Variants in ST6GALNAC3 observed in about 807,000 individuals in gnomAD.
ST6GALNAC3 encodes the protein ST6 N-acetylgalactosaminide alpha-2,6-sialyltransferase 3, also known as alpha-N-acetylgalactosaminide alpha-2,6-sialyltransferase 3.
A neutral mutation model predicts 32.7 loss-of-function variants in ST6GALNAC3; 25 were observed. That is an observed-to-expected ratio of 0.76 (90% confidence interval 0.56 to 1.07). The LOEUF is 1.07. ST6GALNAC3 is among the 50% of genes least tolerant of loss of function. ST6GALNAC3 has a pLI of 0.00. For synonymous variants in ST6GALNAC3, 129 were observed against 133.1 expected (o/e 0.97, Z 0.21); for missense variants, 355 against 382.4 (o/e 0.93, Z 0.60).
chr1:76,527,083 A>G (rs1031667377), intron 3 of ST6GALNAC3, among the ~76,000 whole-genome samples: 1 of 152,096 alleles, frequency 6.6e-6, no homozygotes, highest in African/African-American at 2.4e-5. Context: ...ATTGAACTCT[A>G]TGATTTGTAG....
At chr1:76,615,032 T>C (rs1376001620) in intron 3 of ST6GALNAC3, among the ~76,000 whole-genome samples, 1 of 152,152 alleles carries the variant, frequency 6.6e-6, no homozygotes, top group East Asian at 1.9e-4. Context: ...AGGAGATTTT[T>C]GTCTTTTGAC....
At chr1:76,604,284 T>C (rs1326165693) in intron 3 of ST6GALNAC3, among the ~76,000 whole-genome samples, 1 of 152,176 alleles carries the variant, frequency 6.6e-6, no homozygotes, top group South Asian at 2.1e-4. Flanking sequence ...TGTAATCAAA[T>C]GTGTTCAGGA....
chr1:76,478,963 C>A (rs1469097646), intron 3 of ST6GALNAC3, among the ~76,000 whole-genome samples: 2 of 151,874 alleles, frequency 1.3e-5, no homozygotes, highest in Admixed American at 1.3e-4. Context: ...CGGGGTTTCA[C>A]TGTGTTAGAC....
chr1:76,614,833 G>A (rs1369821747), intron 3 of ST6GALNAC3, among the ~76,000 whole-genome samples: 3 of 151,512 alleles, frequency 2.0e-5, no homozygotes, highest in Admixed American at 6.6e-5. Context: ...GGTGGAAAAT[G>A]GACCTTAGGA....
intron 1 of ST6GALNAC3, among the ~76,000 whole-genome samples, chr1:76,113,998 T>G (rs1278193524): frequency 6.7e-6 from 1 of 150,094 alleles, no homozygotes; most frequent in Non-Finnish European, 1.5e-5. Flanking sequence ...CTAATTTTTT[T>G]TTTTTTTTTT....
intron 1 of ST6GALNAC3, among the ~76,000 whole-genome samples, chr1:76,120,303 C>T (rs191732178): frequency 6.6e-6 from 1 of 152,080 alleles, no homozygotes; most frequent in Non-Finnish European, 1.5e-5. Flanking sequence ...CTCGTGTTTC[C>T]TTGAGAATTG....
At position 76,419,818 on chromosome 1, in the gene ST6GALNAC3, C is replaced by T. The variant is rs1452668590; in HGVS notation, c.623+7401C>T. Among the ~76,000 whole-genome samples, 5 of 151,960 alleles carry T rather than the reference C, an allele frequency of 3.3e-5. No individual in the cohort carries two copies. In the South Asian group the frequency reaches 6.2e-4, roughly 19 times the overall value. The stretch of plus-strand genomic sequence containing the variant: ...TTATAAGAGCTCTACAGATGTTTGC[C>T]GAATTGAATTTTTGCTTCTCTGTAA... On this transcript the variant is annotated intron_variant, in intron 3 of 4. Transcript: ENST00000328299.
chr1:76,101,900 A>G (rs1370993704), intron 1 of ST6GALNAC3, among the ~76,000 whole-genome samples: 1 of 152,172 alleles, frequency 6.6e-6, no homozygotes, highest in East Asian at 1.9e-4. Flanking sequence ...ATTTCATAAC[A>G]TCTGGCATAT....
At chr1:76,275,175 A>C (rs1261855231) in intron 1 of ST6GALNAC3, among the ~76,000 whole-genome samples, 1 of 152,210 alleles carries the variant, frequency 6.6e-6, no homozygotes, top group Non-Finnish European at 1.5e-5. Context: ...TTAATATGCT[A>C]AGGTGCAATA....
intron 1 of ST6GALNAC3, among the ~76,000 whole-genome samples, chr1:76,116,082 A>G (rs774569799): frequency 1.3e-5 from 2 of 152,156 alleles, no homozygotes; most frequent in African/African-American, 2.4e-5. Context: ...GGTCAGTGCT[A>G]TGGTGTGGAC....
intron 2 of ST6GALNAC3, among the ~76,000 whole-genome samples, chr1:76,326,775 T>A (rs902206017): frequency 6.6e-6 from 1 of 151,376 alleles, no homozygotes; most frequent in Admixed American, 6.6e-5. Flanking sequence ...TATGTTTTCC[T>A]GCATTTGGTT....
chr1:76,215,289 T>C (rs964440667), intron 1 of ST6GALNAC3, among the ~76,000 whole-genome samples: 1 of 152,218 alleles, frequency 6.6e-6, no homozygotes, highest in Admixed American at 6.5e-5. Flanking sequence ...TTTAACCTCA[T>C]TGTGCAACAG....
intron 3 of ST6GALNAC3, among the ~76,000 whole-genome samples, chr1:76,619,022 T>C (rs1230124462): frequency 6.6e-6 from 1 of 152,078 alleles, no homozygotes; most frequent in Non-Finnish European, 1.5e-5. Context: ...ATAGGCCATC[T>C]GTAGTAGCTC....
At chr1:76,544,857 T>C (rs1275726940) in intron 3 of ST6GALNAC3, among the ~76,000 whole-genome samples, 3 of 152,236 alleles carry the variant, frequency 2.0e-5, no homozygotes, top group African/African-American at 7.2e-5. Flanking sequence ...TGAGGCCTGA[T>C]ACAGAAGGAG....
At chr1:76,305,821 A>G (rs1056346843) in intron 1 of ST6GALNAC3, 30 of 477,654 alleles carry the variant, frequency 6.3e-5, no homozygotes, top group South Asian at 4.6e-4. Flanking sequence ...TTTTCCAGAC[A>G]AAGAAATAGA....
chr1:76,454,524 C>A (rs944903079), intron 3 of ST6GALNAC3, among the ~76,000 whole-genome samples: 2 of 152,082 alleles, frequency 1.3e-5, no homozygotes, highest in Non-Finnish European at 2.9e-5. Flanking sequence ...AAGACTATAT[C>A]TTTCCTTCAT....
chr1:76,323,875 T>G (rs1647017521), intron 2 of ST6GALNAC3, among the ~76,000 whole-genome samples: 1 of 152,212 alleles, frequency 6.6e-6, no homozygotes, highest in African/African-American at 2.4e-5. Flanking sequence ...ATTTTTTTTT[T>G]TTGAGATGGA....
rs748548221 is a variant in ST6GALNAC3, at chr1:76,628,629, G to T, written c.741G>T (p.Gly247=). 6.2e-7 allele frequency: 1 copy of T among 1,605,542 alleles called. No individual in the cohort carries two copies. The highest frequency in any genetic ancestry group is 8.5e-7 in the Non-Finnish European group (1 of 1,177,536). ...MINDTYCKTE[G]YRKVPYHYYE... is the part of the protein sequence containing the mutation. ...TTTTTTTCTTTTCTAGGACAGAAGG[G>T]TATAGAAAAGTCCCCTACCATTATT... is the stretch of plus-strand genomic sequence containing the variant. The change falls in exon 5 of 5, where the codon GGG becomes GGT. Residue 247 remains glycine, a synonymous_variant. Transcript: ENST00000328299.
intron 2 of ST6GALNAC3, among the ~76,000 whole-genome samples, chr1:76,369,481 A>C (rs1040825553): frequency 1.3e-5 from 2 of 152,146 alleles, no homozygotes; most frequent in African/African-American, 4.8e-5. Flanking sequence ...CATTATCTTT[A>C]TTTCACCAAG....
Sources: gnomAD v4.1 joint callset for allele counts (sites outside exome capture counted in the v4.1 genomes callset) on GRCh38, gnomAD v4.1.1 for gene constraint, MANE v1.5 for transcripts, NCBI Gene and HGNC (gene_info 2026-07-23, HGNC 2026-07-21) for gene names.